The following CLTCL1 variants were observed in gnomAD, a reference collection of about 807,000 sequenced individuals.
CLTCL1 encodes clathrin heavy chain like 1, also known as clathrin heavy chain 2.
CLTCL1 carries 159 observed loss-of-function variants against 190.0 expected under a neutral mutation model. The ratio of observed to expected loss-of-function variants is 0.84; its 90% CI spans 0.74 to 0.95. The LOEUF (loss-of-function observed/expected upper bound fraction) is 0.95, where lower values mean the gene tolerates loss of function less well. Ranked by LOEUF, CLTCL1 falls within the 40% of genes least tolerant of loss-of-function variation. CLTCL1 has a pLI of 0.00. For synonymous variants in CLTCL1, 752 were observed against 769.6 expected (o/e 0.98, Z 0.38); for missense variants, 1,878 against 2,033.4 (o/e 0.92, Z 1.47).
At chr22:19,194,630 C>T (rs982293402) in intron 26 of CLTCL1, among the ~76,000 whole-genome samples, 1 of 152,134 alleles carries the variant, frequency 6.6e-6, no homozygotes, top group Non-Finnish European at 1.5e-5. Flanking sequence ...ACCACTTGGT[C>T]GGGAGGAAAC....
intron 12 of CLTCL1, 78 bp downstream of exon 12, chr22:19,226,141 C>A: frequency 6.8e-7 from 1 of 1,476,218 alleles, no homozygotes; most frequent in South Asian, 1.3e-5. Flanking sequence ...CAATCACCAA[C>A]AGGTGAACAC....
intron 3 of CLTCL1, among the ~76,000 whole-genome samples, chr22:19,252,938 C>T (rs1601653191): frequency 6.7e-6 from 1 of 148,708 alleles, no homozygotes; most frequent in East Asian, 2.0e-4. Flanking sequence ...GGCATGAACC[C>T]AGGAGGCAGA....
At chr22:19,242,687 G>T in intron 4 of CLTCL1, 88 bp downstream of exon 4, 3 of 1,404,850 alleles carry the variant, frequency 2.1e-6, no homozygotes, top group Non-Finnish European at 3.0e-6. Context: ...ACAGACATCT[G>T]CAGGCCATGC....
chr22:19,248,094 C>T (rs900774230), intron 3 of CLTCL1, among the ~76,000 whole-genome samples: 17 of 151,486 alleles, frequency 1.1e-4, no homozygotes, highest in Non-Finnish European at 1.8e-4. Flanking sequence ...GTCAGGAGTT[C>T]GAGACCAGAC....
chr22:19,216,350 G>T, intron 18 of CLTCL1, 94 bp from the exon 19 acceptor site: 1 of 1,187,674 alleles, frequency 8.4e-7, no homozygotes. Flanking sequence ...CTCCAAGATG[G>T]TCTGGAATAG....
chr22:19,180,347 C>A, intron 31 of CLTCL1, 109 bp from the exon 32 acceptor site: 1 of 1,211,138 alleles, frequency 8.3e-7, no homozygotes, highest in Non-Finnish European at 1.2e-6. Context: ...TGTGTTTGCC[C>A]CACAGTGTCC....
chr22:19,227,293 T>C (rs1215324716), intron 11 of CLTCL1, among the ~76,000 whole-genome samples: 1 of 150,540 alleles, frequency 6.6e-6, no homozygotes, highest in Non-Finnish European at 1.5e-5. Flanking sequence ...TTTTTTTTTT[T>C]TTTTGAGACA....
rs557410868 is a variant in CLTCL1 at position 19,257,873 on chromosome 22, G to A, written c.251-3646C>T. ...AGAGCAAAAACCGGGAGCACCTGGA[G>A]AAGAAGAGACCCCAGGTCAGAGACT... On this transcript the variant is annotated intron_variant, in intron 2 of 32. Transcript: ENST00000427926. 559 of 1,400,746 alleles carry A rather than the reference G, an allele frequency of 4.0e-4. 1 individual carries two copies. Among genetic ancestry groups the A allele is most frequent in the Middle Eastern group, 3.4e-3 (17 of 4,964 alleles). 86.8% of individuals were successfully genotyped at this position (1,400,746 alleles called of 1,614,324 possible).
chr22:19,252,767 C>T (rs1397246390), intron 3 of CLTCL1, among the ~76,000 whole-genome samples: 2 of 152,180 alleles, frequency 1.3e-5, no homozygotes, highest in South Asian at 2.1e-4. Flanking sequence ...GTAATCCCAG[C>T]ACTTTGGGAG....
In CLTCL1 at chr22:19,276,926, C is replaced by G. The variant is rs186434060; in HGVS notation, c.43-1096G>C. On this transcript the variant is annotated intron_variant, in intron 1 of 32. Coordinates refer to ENST00000427926, the MANE Select transcript of CLTCL1 (RefSeq NM_007098.4). ...TGACCTCGTGATCCGCCCTCCTTGG[C>G]CTCCCAAAGCGCTGGGATTACAGGC... Among the ~76,000 whole-genome samples, 197 of 152,256 alleles carry G rather than the reference C, an allele frequency of 1.3e-3. 3 individuals carry two copies. In the South Asian group the frequency reaches 0.014, roughly 11 times the overall value.
chr22:19,180,380 TCTGCTCGACAGCCAGG>T, intron 31 of CLTCL1, 142 bp from the exon 32 acceptor site: 1 of 914,212 alleles, frequency 1.1e-6, no homozygotes, highest in South Asian at 1.5e-5. Context: ...GCCTCTCCAG[TCTGCTCGACAGCCAGG>T]CTGCCCTGGG....
intron 14 of CLTCL1, 81 bp from the exon 15 acceptor site, chr22:19,222,890 C>G: frequency 6.6e-7 from 1 of 1,509,274 alleles, no homozygotes; most frequent in Non-Finnish European, 8.9e-7. Context: ...ACACATGGGA[C>G]GGCTCTGTCT....
At chr22:19,276,862 C>T (rs189680630) in intron 1 of CLTCL1, among the ~76,000 whole-genome samples, 9 of 152,078 alleles carry the variant, frequency 5.9e-5, no homozygotes, top group South Asian at 2.1e-4. Context: ...TTAGTAGAGA[C>T]GGGGTTTCAC....
At chr22:19,223,834 T>A (rs1391757704) in intron 14 of CLTCL1, 57 bp downstream of exon 14, 29 of 1,603,336 alleles carry the variant, frequency 1.8e-5, no homozygotes, top group Non-Finnish European at 2.4e-5. Context: ...GCGGATGGTC[T>A]GCCCCACCTG....
chr22:19,233,520 G>C lies in CLTCL1; in HGVS notation c.1270C>G (p.Gln424Glu). The change falls in exon 8 of 33, where the codon CAG (glutamine) becomes GAG (glutamate). Residue 424 changes from glutamine (Q) to glutamate (E), a missense_variant. Coordinates refer to ENST00000427926, the MANE Select transcript of CLTCL1 (RefSeq NM_007098.4). ...GATTCAAGTTTATTGAGCTGACCCT[G>C]GTCGAGCAGGATTCCGAAGTACTGC... ...LLQYFGILLD[Q>E]GQLNKLESLE... The C allele has an allele frequency of 6.2e-7, 1 of 1,613,980 alleles. No individual in the cohort carries two copies. The highest frequency in any genetic ancestry group is 8.5e-7 in the Non-Finnish European group (1 of 1,179,888).
At chr22:19,201,889 G>C (rs142497867) in intron 22 of CLTCL1, among the ~76,000 whole-genome samples, 340 of 152,214 alleles carry the variant, frequency 2.2e-3, no homozygotes, top group Middle Eastern at 0.014. Flanking sequence ...CCTAGTTCCT[G>C]ATGCCATTTA....
chr22:19,281,872 C>T (rs2087727993), intron 1 of CLTCL1, among the ~76,000 whole-genome samples: 1 of 152,144 alleles, frequency 6.6e-6, no homozygotes, highest in Admixed American at 6.5e-5. Context: ...TAAGAGCATA[C>T]ATACACATGT....
intron 23 of CLTCL1, among the ~76,000 whole-genome samples, chr22:19,200,893 T>C (rs1483075528): frequency 6.6e-6 from 1 of 152,130 alleles, no homozygotes; most frequent in Admixed American, 6.5e-5. Flanking sequence ...CATTAGACCT[T>C]TAGGCTAATT....
intron 19 of CLTCL1, among the ~76,000 whole-genome samples, chr22:19,210,922 C>CG (rs2085199875): frequency 6.6e-6 from 1 of 151,830 alleles, no homozygotes; most frequent in African/African-American, 2.4e-5. Context: ...AATTTTGAGA[C>CG]GGGGTCTTGC....
Sources: allele counts gnomAD v4.1 joint callset (sites outside exome capture counted in the v4.1 genomes callset), GRCh38; gene constraint gnomAD v4.1.1; transcripts MANE v1.5; gene names NCBI Gene and HGNC (gene_info 2026-07-23, HGNC 2026-07-21).